FRMD4A: variants seen among roughly 807,000 people sequenced by gnomAD.
FRMD4A encodes FERM domain containing 4A.
In FRMD4A, 29 loss-of-function variants were observed where a neutral mutation model predicts 129.1. The ratio of observed to expected loss-of-function variants is 0.22; its 90% CI spans 0.17 to 0.31. The LOEUF is 0.31. Among genes scored for constraint, FRMD4A ranks in the 10% least tolerant of loss-of-function variants. The pLI is 1.00. For missense variants in FRMD4A, 1,272 were observed against 1,375.8 expected, an observed-to-expected ratio of 0.92 and a Z score of 1.19; for synonymous variants, 634 against 571.6, an observed-to-expected ratio of 1.11 and a Z score of -1.56.
chr10:13,677,580 C>A (rs2084112867), intron 15 of FRMD4A, among the ~76,000 whole-genome samples: 1 of 152,206 alleles, frequency 6.6e-6, no homozygotes, highest in African/African-American at 2.4e-5. Flanking sequence ...CATATTCACA[C>A]AGCACATCGC....
intron 2 of FRMD4A, among the ~76,000 whole-genome samples, chr10:13,928,426 T>C (rs957607958): frequency 5.3e-5 from 8 of 152,102 alleles, no homozygotes; most frequent in African/African-American, 1.9e-4. Flanking sequence ...CTCTGAATTC[T>C]AATTAATGAA....
intron 2 of FRMD4A, among the ~76,000 whole-genome samples, chr10:14,117,043 T>G (rs1744813427): frequency 6.6e-6 from 1 of 152,256 alleles, no homozygotes; most frequent in African/African-American, 2.4e-5. Context: ...GTGCTTGCAC[T>G]GAGGCCCTGC....
chr10:13,964,136 A>AC (rs1475719862), intron 2 of FRMD4A, among the ~76,000 whole-genome samples: 4 of 151,762 alleles, frequency 2.6e-5, no homozygotes, highest in African/African-American at 9.7e-5. Context: ...GCATTAGAAA[A>AC]AAAAAAAAAA....
Position 13,950,696 on chromosome 10 carries a change from C to T in FRMD4A, c.46-91784G>A, listed in dbSNP as rs112303403. Among the ~76,000 whole-genome samples, 995 of 152,282 alleles carry T rather than the reference C, an allele frequency of 6.5e-3. 14 individuals are homozygous for T. Among genetic ancestry groups the T allele is most frequent in the African/African-American group, 0.023 (942 of 41,542 alleles). ...CTCTCTTCCCACCATGTGCCACATT[C>T]GTTTCTGCCTCAGGACATTTGCACG... On this transcript the variant is annotated intron_variant, in intron 2 of 24. Transcript: ENST00000357447.
At chr10:14,208,860 G>A (rs1842858810) in intron 2 of FRMD4A, among the ~76,000 whole-genome samples, 1 of 152,090 alleles carries the variant, frequency 6.6e-6, no homozygotes, top group Admixed American at 6.5e-5. Context: ...AAGGGTGATG[G>A]GCACTGAAAG....
At chr10:13,958,278 A>ATTATTT (rs1554987850) in intron 2 of FRMD4A, among the ~76,000 whole-genome samples, 1 of 94,560 alleles carries the variant, frequency 1.1e-5, no homozygotes, top group Non-Finnish European at 2.0e-5. Flanking sequence ...AGCCATGACC[A>ATTATTT]TTGTTTTTTT....
intron 2 of FRMD4A, among the ~76,000 whole-genome samples, chr10:14,003,263 C>T (rs978147642): frequency 6.6e-6 from 1 of 151,852 alleles, no homozygotes; most frequent in East Asian, 1.9e-4. Context: ...GAGAAGGAGA[C>T]GATGGAAAGA....
At chr10:13,790,698 AG>A (rs1025220056) in intron 5 of FRMD4A, among the ~76,000 whole-genome samples, 187 of 48,854 alleles carry the variant, frequency 3.8e-3, no homozygotes, top group African/African-American at 0.012. Flanking sequence ...TCCAGTGACC[AG>A]GGGGTACGAT....
chr10:14,021,950 G>GTTT lies in FRMD4A; in HGVS notation c.46-163041_46-163039dup, dbSNP rs113180850. On this transcript the variant is annotated intron_variant, in intron 2 of 24. Coordinates refer to ENST00000357447, the MANE Select transcript of FRMD4A (RefSeq NM_018027.5). The stretch of plus-strand genomic sequence containing the variant: ...ATGCATGCAATCATGAGATTTCTGC[G>GTTT]TTTTTTTTTGCATTTTATTGCTCCC... Among the ~76,000 whole-genome samples, 43 of 149,912 alleles carry GTTT rather than the reference G, an allele frequency of 2.9e-4. 1 individual carries two copies. In the South Asian group the frequency reaches 8.3e-3, roughly 29 times the overall value.
intron 2 of FRMD4A, among the ~76,000 whole-genome samples, chr10:14,268,328 T>G (rs556516962): frequency 1.3e-5 from 2 of 152,336 alleles, no homozygotes; most frequent in South Asian, 2.1e-4. Context: ...AGGCCACTTG[T>G]GCCATCCACA....
chr10:14,119,155 C>A (rs780402809), intron 2 of FRMD4A, among the ~76,000 whole-genome samples: 2 of 152,124 alleles, frequency 1.3e-5, no homozygotes, highest in Non-Finnish European at 2.9e-5. Context: ...GCCCTCAATG[C>A]AGAGGGTGAT....
chr10:13,917,107 G>A (rs1482398123), intron 2 of FRMD4A, among the ~76,000 whole-genome samples: 3 of 152,176 alleles, frequency 2.0e-5, no homozygotes, highest in Non-Finnish European at 4.4e-5. Context: ...TCATCACCAA[G>A]AAGTGGCTTT....
chr10:13,957,813 T>C lies in FRMD4A; in HGVS notation c.46-98901A>G, dbSNP rs141381795. ...CTTGTATCTTTCTGGCCCCTAAAAC[T>C]CGCTCACTCACTCCTTTTCTTTCTC... On this transcript the variant is annotated intron_variant, in intron 2 of 24. Coordinates refer to ENST00000357447, the MANE Select transcript of FRMD4A (RefSeq NM_018027.5). Among the ~76,000 whole-genome samples, 1,335 of 152,246 alleles carry C rather than the reference T, an allele frequency of 8.8e-3. 15 individuals are homozygous for C. Among genetic ancestry groups the C allele is most frequent in the Non-Finnish European group, 0.014 (925 of 68,004 alleles).
At chr10:13,903,241 C>G (rs991352461) in intron 2 of FRMD4A, among the ~76,000 whole-genome samples, 2 of 152,080 alleles carry the variant, frequency 1.3e-5, no homozygotes, top group East Asian at 3.9e-4. Flanking sequence ...ACCTCCTGCT[C>G]CCCCCGTTCC....
intron 8 of FRMD4A, among the ~76,000 whole-genome samples, chr10:13,757,649 G>T (rs1468121210): frequency 1.3e-5 from 2 of 152,236 alleles, no homozygotes; most frequent in Non-Finnish European, 1.5e-5. Flanking sequence ...AGAAGAAACG[G>T]AAGAGCAAGT....
intron 2 of FRMD4A, among the ~76,000 whole-genome samples, chr10:13,953,033 C>T (rs1458255531): frequency 6.6e-6 from 1 of 152,120 alleles, no homozygotes; most frequent in East Asian, 1.9e-4. Flanking sequence ...TAGTTCTCTT[C>T]TGTAGGATGA....
At chr10:13,754,753 A>G (rs1016550992) in intron 8 of FRMD4A, among the ~76,000 whole-genome samples, 4 of 152,104 alleles carry the variant, frequency 2.6e-5, no homozygotes, top group African/African-American at 9.7e-5. Context: ...AAGTTTAGGT[A>G]GATATTAAAG....
At chr10:14,319,385 A>ACC in intron 2 of FRMD4A, among the ~76,000 whole-genome samples, 1 of 85,722 alleles carries the variant, frequency 1.2e-5, no homozygotes, top group African/African-American at 4.3e-5. Flanking sequence ...ACACACACAC[A>ACC]CATGATAAAT....
chr10:13,819,617 G>T (rs1013963650), intron 3 of FRMD4A, among the ~76,000 whole-genome samples: 1 of 151,780 alleles, frequency 6.6e-6, no homozygotes, highest in African/African-American at 2.4e-5. Flanking sequence ...GAACCTGTGA[G>T]TATTACCTTT....
Sources: allele counts gnomAD v4.1 joint callset (sites outside exome capture counted in the v4.1 genomes callset), GRCh38; gene constraint gnomAD v4.1.1; transcripts MANE v1.5; gene names NCBI Gene and HGNC (gene_info 2026-07-23, HGNC 2026-07-21).